Variants in WDPCP observed in about 807,000 individuals in gnomAD.
The protein encoded by WDPCP is WD repeat containing planar cell polarity effector.
A neutral mutation model predicts 93.1 loss-of-function variants in WDPCP; 71 were observed. That is an observed-to-expected ratio of 0.76 (90% CI 0.63 to 0.93). WDPCP has a LOEUF of 0.93. Among genes scored for constraint, WDPCP ranks in the 40% least tolerant of loss-of-function variants. WDPCP has a pLI of 0.00. For synonymous variants in WDPCP, 315 were observed against 315.0 expected (o/e 1.00, Z 0.00); for missense variants, 844 against 887.4 (o/e 0.95, Z 0.62).
intron 6 of WDPCP, among the ~76,000 whole-genome samples, chr2:63,464,576 T>G (rs894034581): frequency 1.3e-5 from 2 of 151,986 alleles, no homozygotes; most frequent in Non-Finnish European, 2.9e-5. Flanking sequence ...GAAGAGATAT[T>G]TGCACACTCA....
At chr2:63,771,066 A>T (rs982600012) in intron 2 of WDPCP, among the ~76,000 whole-genome samples, 8 of 151,698 alleles carry the variant, frequency 5.3e-5, no homozygotes, top group Admixed American at 6.6e-5. Context: ...ATAAATATTT[A>T]TCAAAATATC....
chr2:63,234,916 G>T (rs1164192249), intron 14 of WDPCP, among the ~76,000 whole-genome samples: 3 of 152,060 alleles, frequency 2.0e-5, no homozygotes, highest in South Asian at 4.2e-4. Flanking sequence ...CTCCATAAAT[G>T]CTTAGCATTT....
chr2:63,502,515 T>C (rs1197711985), intron 1 of WDPCP, among the ~76,000 whole-genome samples: 1 of 152,176 alleles, frequency 6.6e-6, no homozygotes, highest in Non-Finnish European at 1.5e-5. Flanking sequence ...GCCAACCTGG[T>C]AGGTGAAAAT....
At chr2:63,785,288 C>T (rs1054557922) in intron 2 of WDPCP, among the ~76,000 whole-genome samples, 1 of 152,152 alleles carries the variant, frequency 6.6e-6, no homozygotes, top group Non-Finnish European at 1.5e-5. Flanking sequence ...CCCTTCTCCC[C>T]CTCTGCTTCT....
At chr2:63,157,317 C>CT (rs994501394) in intron 15 of WDPCP, among the ~76,000 whole-genome samples, 1 of 151,478 alleles carries the variant, frequency 6.6e-6, no homozygotes, top group African/African-American at 2.4e-5. Flanking sequence ...GTTTTTTGTA[C>CT]TTTTTTTTCT....
intron 12 of WDPCP, among the ~76,000 whole-genome samples, chr2:63,351,735 A>C (rs1558506153): frequency 6.6e-6 from 1 of 152,080 alleles, no homozygotes; most frequent in Non-Finnish European, 1.5e-5. Flanking sequence ...TGAACACAGG[A>C]GTGCATGTGT....
At position 63,433,749 on chromosome 2, in the gene WDPCP, A is replaced by T. The variant is rs1231005358; in HGVS notation, c.821T>A (p.Leu274Gln). 1.9e-6 allele frequency: 3 copies of T among 1,611,884 alleles called. No homozygotes were observed. Among genetic ancestry groups the T allele is most frequent in the Non-Finnish European group, 2.5e-6 (3 of 1,178,812 alleles). ...LLLLGYAQGR[L>Q]EVLSSVRTEW... ...ACATATTTGTTTTAGATTTACCTCT[A>T]GTCTTCCTTGAGCATAACCCAGGAG... Residue 274 changes from leucine (L) to glutamine (Q), a missense_variant, in exon 9 of 18, where the codon CTA becomes CAA. By Grantham distance (113) the Leu-to-Gln change is moderately radical. Transcript: ENST00000272321.
At chr2:63,516,999 AC>A (rs1182116238) in intron 1 of WDPCP, among the ~76,000 whole-genome samples, 1 of 151,928 alleles carries the variant, frequency 6.6e-6, no homozygotes, top group Non-Finnish European at 1.5e-5. Context: ...ACAAAAACCT[AC>A]CCTTTGAACT....
At chr2:63,141,879 A>T (rs545068252) in intron 17 of WDPCP, among the ~76,000 whole-genome samples, 54 of 152,246 alleles carry the variant, frequency 3.5e-4, no homozygotes, top group Non-Finnish European at 1.0e-4. Flanking sequence ...TATTTTTTCC[A>T]GGAATTTATC....
chr2:63,658,202 C>T (rs1415921807), intron 2 of WDPCP, among the ~76,000 whole-genome samples: 1 of 152,080 alleles, frequency 6.6e-6, no homozygotes. Flanking sequence ...AGAAAAGTTC[C>T]AATGTGTGTT....
intron 3 of WDPCP, among the ~76,000 whole-genome samples, chr2:63,638,875 G>A (rs1709950508): frequency 6.6e-6 from 1 of 151,562 alleles, no homozygotes; most frequent in Non-Finnish European, 1.5e-5. Flanking sequence ...ACACCTCTAG[G>A]GTGGCTGAAA....
chr2:63,814,779 G>A (rs1201166617), intron 1 of WDPCP, among the ~76,000 whole-genome samples: 2 of 152,292 alleles, frequency 1.3e-5, no homozygotes, highest in East Asian at 3.9e-4. Flanking sequence ...ACATGTGGCT[G>A]TGTTATCATA....
intron 14 of WDPCP, among the ~76,000 whole-genome samples, chr2:63,231,410 T>A (rs1050584483): frequency 6.6e-6 from 1 of 152,164 alleles, no homozygotes; most frequent in Non-Finnish European, 1.5e-5. Flanking sequence ...GCAGATGACA[T>A]GATTATATAT....
intron 3 of WDPCP, chr2:63,597,522 T>C: frequency 6.6e-7 from 1 of 1,503,982 alleles, no homozygotes; most frequent in Non-Finnish European, 8.9e-7. Flanking sequence ...AATGTGAAAA[T>C]CTTCAAATCC....
intron 6 of WDPCP, among the ~76,000 whole-genome samples, chr2:63,472,613 G>T (rs910733029): frequency 5.3e-5 from 8 of 151,408 alleles, no homozygotes; most frequent in African/African-American, 1.9e-4. Context: ...TTTTGATATG[G>T]AGTCTCACTC....
intron 1 of WDPCP, among the ~76,000 whole-genome samples, chr2:63,551,635 T>C (rs921984595): frequency 2.0e-5 from 3 of 152,186 alleles, no homozygotes; most frequent in Non-Finnish European, 4.4e-5. Context: ...TATTTCTTTA[T>C]AGCAACATAA....
At chr2:63,611,439 C>T (rs1335268876) in intron 3 of WDPCP, among the ~76,000 whole-genome samples, 1 of 152,018 alleles carries the variant, frequency 6.6e-6, no homozygotes, top group African/African-American at 2.4e-5. Context: ...TCTAACCCCC[C>T]ACTTTTTTTT....
chr2:63,241,103 G>GCT (rs2104640283), intron 14 of WDPCP, among the ~76,000 whole-genome samples: 1 of 152,246 alleles, frequency 6.6e-6, no homozygotes, highest in South Asian at 2.1e-4. Flanking sequence ...ACAAAGAAAG[G>GCT]AACAAAGGTT....
At chr2:63,314,396 A>G (rs187862760) in intron 12 of WDPCP, among the ~76,000 whole-genome samples, 9 of 151,994 alleles carry the variant, frequency 5.9e-5, no homozygotes, top group African/African-American at 1.4e-4. Context: ...TCTCAAATTC[A>G]TGGGCTCAAG....
Sources: allele counts gnomAD v4.1 joint callset (sites outside exome capture counted in the v4.1 genomes callset), GRCh38; gene constraint gnomAD v4.1.1; transcripts MANE v1.5; gene names NCBI Gene and HGNC (gene_info 2026-07-23, HGNC 2026-07-21).